Variants in UNC13C observed in about 807,000 individuals in gnomAD.
UNC13C encodes the protein protein unc-13 homolog C.
Under a neutral mutation model 245.4 loss-of-function variants are expected in UNC13C, and 174 were observed. The observed-to-expected ratio is 0.71, with a 90% CI of 0.63 to 0.80. The LOEUF is 0.80. Among genes scored for constraint, UNC13C ranks in the 30% least tolerant of loss-of-function variants. The probability of loss-of-function intolerance (pLI) is 0.00; values close to 1 mark genes in which losing one functional copy is unlikely to be tolerated. For synonymous variants in UNC13C, 992 were observed against 895.1 expected, an observed-to-expected ratio of 1.11 and a Z score of -1.93; for missense variants, 2,829 against 2,602.9, an observed-to-expected ratio of 1.09 and a Z score of -1.89.
At chr15:54,215,923 C>T (rs1015563338) in intron 4 of UNC13C, among the ~76,000 whole-genome samples, 4 of 151,938 alleles carry the variant, frequency 2.6e-5, no homozygotes, top group Admixed American at 1.3e-4. Context: ...TAGATGCAGC[C>T]ATTTTGTCCA....
chr15:54,490,291 T>C (rs1185290632), intron 19 of UNC13C, among the ~76,000 whole-genome samples: 1 of 152,184 alleles, frequency 6.6e-6, no homozygotes, highest in African/African-American at 2.4e-5. Flanking sequence ...TTAGGTATCT[T>C]TCCTATCTCC....
intron 10 of UNC13C, among the ~76,000 whole-genome samples, chr15:54,287,532 T>C (rs1596149141): frequency 1.3e-5 from 2 of 152,228 alleles, no homozygotes; most frequent in South Asian, 4.1e-4. Context: ...GAAGTTCAGA[T>C]ATAAGTATGG....
chr15:53,994,495 A>G (rs79999565), intron 1 of UNC13C, among the ~76,000 whole-genome samples: 4,308 of 152,156 alleles, frequency 0.028, 212 homozygotes, highest in East Asian at 0.2. Flanking sequence ...TTAGAATCAA[A>G]TGAAGTTCCA....
At chr15:53,940,146 A>G in the UNC13C span, among the ~76,000 whole-genome samples, 1 of 152,080 alleles carries the variant, frequency 6.6e-6, no homozygotes, top group African/African-American at 2.4e-5. Flanking sequence ...TCACCATGGC[A>G]CTTAGATAAG....
At chr15:54,413,446 T>C (rs561375732) in intron 18 of UNC13C, among the ~76,000 whole-genome samples, 29 of 152,304 alleles carry the variant, frequency 1.9e-4, no homozygotes, top group Admixed American at 6.5e-4. Flanking sequence ...GTTATGCTAG[T>C]ATTTATGCTC....
At chr15:53,977,046 C>G (rs72736949), upstream of UNC13C, 17,496 of 152,196 alleles carry the variant, frequency 0.11, 1,468 homozygotes, top group African/African-American at 0.23. Context: ...CTGCCACTCC[C>G]GTGATGAGTG....
the UNC13C span, among the ~76,000 whole-genome samples, chr15:53,960,336 T>G: frequency 5.2e-5 from 4 of 76,746 alleles, no homozygotes; most frequent in East Asian, 2.8e-4. Flanking sequence ...CTATATCATG[T>G]TTTTTTTTTT....
In UNC13C at chr15:54,628,271, A is replaced by G. The variant is rs1901313221; in HGVS notation, c.*1158A>G. Reference sequence around the variant, plus strand: ...CTGTATTGTTATGATTTGACTTTTTAGAGTCTATGCCAAAATATATGGCTG... The same window carrying G: ...CTGTATTGTTATGATTTGACTTTTTGGAGTCTATGCCAAAATATATGGCTG... On this transcript the variant is annotated 3_prime_UTR_variant, in exon 33 of 33. Transcript: ENST00000260323. 6.6e-6 allele frequency: 1 copy of G among 152,208 alleles called. No homozygotes were observed. The highest frequency in any genetic ancestry group is 1.5e-5 in the Non-Finnish European group (1 of 68,036). The allele number at this position is 152,208 out of a possible 1,614,324, so 9.4% of individuals were successfully genotyped here. A position where few individuals can be genotyped will look rare whatever the true frequency, so the allele number is the denominator to read the frequency against.
At chr15:54,046,616 C>T (rs904247355) in intron 2 of UNC13C, among the ~76,000 whole-genome samples, 1 of 151,474 alleles carries the variant, frequency 6.6e-6, no homozygotes, top group Non-Finnish European at 1.5e-5. Flanking sequence ...TGGCTATTAG[C>T]CTTTTTTGTT....
rs1272116364 is a variant in UNC13C at position 54,507,131 on chromosome 15, G to A, written c.5316G>A (p.Val1772=). The change falls in exon 23 of 33, where the codon GTG becomes GTA. Residue 1772 remains valine (V), a synonymous_variant. Transcript: ENST00000260323. The part of the protein sequence containing the change: ...MRRFAKTINK[V]LLQYAAIVSS... The stretch of plus-strand genomic sequence containing the variant: ...TTCTTTCTTAGACTATCAATAAAGT[G>A]CTGCTCCAGTATGCTGCAATTGTAT... The A allele has an allele frequency of 6.3e-7, 1 of 1,597,368 alleles. No individual in the cohort carries two copies. The highest frequency in any genetic ancestry group is 8.5e-7 in the Non-Finnish European group (1 of 1,170,680).
chr15:54,419,614 A>G (rs72734781), intron 19 of UNC13C, among the ~76,000 whole-genome samples: 16,668 of 152,056 alleles, frequency 0.11, 1,192 homozygotes, highest in African/African-American at 0.2. Flanking sequence ...ATAAGGCCTT[A>G]ATGAGTATTT....
rs536380362 is a variant in UNC13C, at chr15:54,535,665, C to A, written c.5696+2599C>A. ...CCAACCATACTCTCAAACAACAGTA[C>A]AATAAAATTAGAAATTAATACTAAG... On this transcript the variant is annotated intron_variant, in intron 26 of 32. Coordinates refer to ENST00000260323, the MANE Select transcript of UNC13C (RefSeq NM_001080534.3). Among the ~76,000 whole-genome samples, 8 of 152,126 alleles carry A rather than the reference C, an allele frequency of 5.3e-5. No homozygotes were observed. The East Asian group carries it at 1.2e-3, about 22-fold the overall frequency.
At chr15:54,524,397 C>G (rs1195282370) in intron 24 of UNC13C, among the ~76,000 whole-genome samples, 1 of 152,166 alleles carries the variant, frequency 6.6e-6, no homozygotes, top group Non-Finnish European at 1.5e-5. Flanking sequence ...GCTAACCAAT[C>G]CTGAAAGTTA....
chr15:54,187,242 C>T (rs570982554), intron 4 of UNC13C, among the ~76,000 whole-genome samples: 7 of 152,158 alleles, frequency 4.6e-5, no homozygotes, highest in South Asian at 2.1e-4. Context: ...TACTGCCTTA[C>T]CCTGACTTGG....
chr15:53,973,153 TC>T, the UNC13C span, among the ~76,000 whole-genome samples: 141 of 152,254 alleles, frequency 9.3e-4, 1 homozygote, highest in Middle Eastern at 3.4e-3. Context: ...GTAGTGGAAC[TC>T]TGAATCAAAG....
the UNC13C span, among the ~76,000 whole-genome samples, chr15:53,952,285 T>C: frequency 1.3e-5 from 2 of 152,172 alleles, no homozygotes; most frequent in Non-Finnish European, 2.9e-5. Context: ...ATTATAAAGT[T>C]ACCTGGCAGG....
intron 4 of UNC13C, among the ~76,000 whole-genome samples, chr15:54,153,320 TTATGA>T (rs67734315): frequency 0.27 from 41,572 of 151,732 alleles, 5,735 homozygotes; most frequent in South Asian, 0.35. Context: ...TTCATAATTA[TTATGA>T]TATAAGTAAT....
intron 22 of UNC13C, among the ~76,000 whole-genome samples, chr15:54,505,134 T>C (rs1894413727): frequency 1.3e-5 from 2 of 152,172 alleles, no homozygotes; most frequent in Non-Finnish European, 2.9e-5. Context: ...ACTATTTCTT[T>C]AGAACAAGAT....
At chr15:53,986,324 A>G (rs979228882) in intron 1 of UNC13C, among the ~76,000 whole-genome samples, 3 of 152,034 alleles carry the variant, frequency 2.0e-5, no homozygotes, top group Admixed American at 6.6e-5. Context: ...ATAAAATTTG[A>G]GCCTAGCTTT....
Sources: allele counts gnomAD v4.1 joint callset (sites outside exome capture counted in the v4.1 genomes callset), GRCh38; gene constraint gnomAD v4.1.1; transcripts MANE v1.5; gene names NCBI Gene and HGNC (gene_info 2026-07-23, HGNC 2026-07-21).